Variants in RANBP2 observed in about 807,000 individuals in gnomAD.
RANBP2 encodes the protein E3 SUMO-protein ligase RanBP2.
A neutral mutation model predicts 303.6 loss-of-function variants in RANBP2; 57 were observed. That is an observed-to-expected ratio of 0.19 (90% CI 0.15 to 0.23). The LOEUF (loss-of-function observed/expected upper bound fraction) is 0.23. Ranked by LOEUF, RANBP2 falls within the 10% of genes least tolerant of loss-of-function variation. The probability of loss-of-function intolerance (pLI) is 1.00; values close to 1 mark genes in which losing one functional copy is unlikely to be tolerated. For synonymous variants in RANBP2, 1,167 were observed against 1,301.5 expected, an observed-to-expected ratio of 0.90 and a Z score of 2.23; for missense variants, 3,138 against 3,780.8, an observed-to-expected ratio of 0.83 and a Z score of 4.46.
the RANBP2 span, chr2:109,614,227 C>A: frequency 1.1e-6 from 1 of 895,956 alleles, no homozygotes; most frequent in Non-Finnish European, 1.4e-6. Context: ...GAGGCGAGGC[C>A]GCCCTAGGTA....
chr2:109,004,908 C>T, the RANBP2 span, among the ~76,000 whole-genome samples: 79 of 152,342 alleles, frequency 5.2e-4, 1 homozygote, highest in African/African-American at 1.8e-3. Context: ...CAAGGGCATG[C>T]TCTGTGCTGG....
At chr2:109,589,430 G>A in the RANBP2 span, among the ~76,000 whole-genome samples, 3 of 152,064 alleles carry the variant, frequency 2.0e-5, no homozygotes, top group Non-Finnish European at 2.9e-5. Context: ...TACTCCGGAG[G>A]CTACAGCATG....
At chr2:109,451,972 A>G in the RANBP2 span, among the ~76,000 whole-genome samples, 1 of 152,234 alleles carries the variant, frequency 6.6e-6, no homozygotes, top group Admixed American at 6.5e-5. Context: ...AGCAAACCCC[A>G]GCAGAGAAGC....
chr2:109,132,173 A>G, the RANBP2 span, among the ~76,000 whole-genome samples: 1 of 152,236 alleles, frequency 6.6e-6, no homozygotes, highest in Non-Finnish European at 1.5e-5. Context: ...CCATGATAGC[A>G]GGTAACCATA....
the RANBP2 span, among the ~76,000 whole-genome samples, chr2:108,977,845 A>C: frequency 6.6e-6 from 1 of 152,226 alleles, no homozygotes; most frequent in Non-Finnish European, 1.5e-5. Context: ...CTTCTGGTTC[A>C]CACACTTTTT....
At chr2:109,078,247 G>GTATATATA in the RANBP2 span, among the ~76,000 whole-genome samples, 8 of 56,406 alleles carry the variant, frequency 1.4e-4, 1 homozygote, top group East Asian at 4.6e-4. Context: ...TATATAGCGT[G>GTATATATA]TATATATATA....
chr2:109,312,956 A>G, the RANBP2 span, among the ~76,000 whole-genome samples: 1 of 152,204 alleles, frequency 6.6e-6, no homozygotes, highest in Non-Finnish European at 1.5e-5. Context: ...TGTTTTCCAC[A>G]GCAGCCCTTG....
the RANBP2 span, among the ~76,000 whole-genome samples, chr2:108,792,310 C>T: frequency 6.6e-6 from 1 of 152,290 alleles, no homozygotes; most frequent in South Asian, 2.1e-4. Flanking sequence ...TTCCTCTTTT[C>T]CCTCTCCTTT....
the RANBP2 span, among the ~76,000 whole-genome samples, chr2:109,467,444 CAGAA>C: frequency 6.6e-6 from 1 of 152,174 alleles, no homozygotes; most frequent in African/African-American, 2.4e-5. Context: ...TGTTTAGTGA[CAGAA>C]AGCAGCTCGG....
the RANBP2 span, among the ~76,000 whole-genome samples, chr2:109,220,837 G>A: frequency 6.6e-6 from 1 of 152,242 alleles, no homozygotes; most frequent in Non-Finnish European, 1.5e-5. Context: ...GTGCAAAACA[G>A]TGTGAAAGGA....
the RANBP2 span, among the ~76,000 whole-genome samples, chr2:109,119,016 C>T: frequency 6.6e-6 from 1 of 152,192 alleles, no homozygotes; most frequent in South Asian, 2.1e-4. Context: ...CTATAACGGA[C>T]TTGCCTTTGC....
chr2:108,852,226 C>G, the RANBP2 span, among the ~76,000 whole-genome samples: 1 of 152,128 alleles, frequency 6.6e-6, no homozygotes, highest in South Asian at 2.1e-4. Flanking sequence ...ATGTGATGCT[C>G]AATCTCTGAA....
chr2:109,518,915 C>CTTTTT, the RANBP2 span, among the ~76,000 whole-genome samples: 3 of 110,984 alleles, frequency 2.7e-5, no homozygotes, highest in East Asian at 5.3e-4. Flanking sequence ...TGCTACATAT[C>CTTTTT]TTTTTTTTTT....
At chr2:109,477,030 T>C in the RANBP2 span, among the ~76,000 whole-genome samples, 1 of 152,198 alleles carries the variant, frequency 6.6e-6, no homozygotes, top group African/African-American at 2.4e-5. Flanking sequence ...ATCTGTGCCT[T>C]GTGCTGACCT....
the RANBP2 span, among the ~76,000 whole-genome samples, chr2:109,656,296 T>C: frequency 6.6e-6 from 1 of 152,214 alleles, no homozygotes; most frequent in Non-Finnish European, 1.5e-5. Context: ...ACATTCTGTC[T>C]TTCTTTTTAA....
chr2:108,830,907 GC>G, the RANBP2 span, among the ~76,000 whole-genome samples: 4 of 151,942 alleles, frequency 2.6e-5, no homozygotes, highest in African/African-American at 9.7e-5. Flanking sequence ...AGGTGCGGTG[GC>G]TCACGCCTGT....
the RANBP2 span, among the ~76,000 whole-genome samples, chr2:109,375,066 C>T: frequency 2.0e-5 from 3 of 152,334 alleles, no homozygotes; most frequent in African/African-American, 7.2e-5. Context: ...CCTGGACATA[C>T]GTACATTTCC....
the RANBP2 span, among the ~76,000 whole-genome samples, chr2:109,664,123 C>T: frequency 6.6e-6 from 1 of 152,212 alleles, no homozygotes; most frequent in Non-Finnish European, 1.5e-5. Context: ...TACTCCTCTT[C>T]TACTACCTCT....
chr2:109,497,838 C>A, the RANBP2 span, among the ~76,000 whole-genome samples: 1 of 152,250 alleles, frequency 6.6e-6, no homozygotes, highest in African/African-American at 2.4e-5. Flanking sequence ...TATTTCACAT[C>A]TGGAAGTTGA....
Sources: gnomAD v4.1 joint callset for allele counts (sites outside exome capture counted in the v4.1 genomes callset) on GRCh38, gnomAD v4.1.1 for gene constraint, MANE v1.5 for transcripts, NCBI Gene and HGNC (gene_info 2026-07-23, HGNC 2026-07-21) for gene names.